Variants in CFAP20DC observed in about 807,000 individuals in gnomAD.
The protein encoded by CFAP20DC is protein CFAP20DC.
CFAP20DC carries 84 observed loss-of-function variants against 101.7 expected under a neutral mutation model. The ratio of observed to expected loss-of-function variants is 0.83; its 90% CI spans 0.69 to 0.99. The LOEUF is 0.99. CFAP20DC is among the 50% of genes least tolerant of loss of function. The pLI, the probability that CFAP20DC is intolerant of heterozygous loss-of-function variation, is 0.00. For missense variants in CFAP20DC, 1,007 were observed against 970.3 expected, an observed-to-expected ratio of 1.04 and a Z score of -0.50; for synonymous variants, 359 against 351.2, an observed-to-expected ratio of 1.02 and a Z score of -0.25.
intron 15 of CFAP20DC, among the ~76,000 whole-genome samples, chr3:58,780,792 T>C (rs1238911114): frequency 6.6e-6 from 1 of 151,880 alleles, no homozygotes; most frequent in East Asian, 1.9e-4. Context: ...AATGCAAATA[T>C]TACTAAATCT....
intron 4 of CFAP20DC, among the ~76,000 whole-genome samples, chr3:58,951,938 T>A (rs1444975945): frequency 6.6e-6 from 1 of 152,176 alleles, no homozygotes; most frequent in Non-Finnish European, 1.5e-5. Context: ...GAATTTGGTG[T>A]TCCAAAGCTC....
chr3:58,844,965 G>A (rs1217146431), intron 13 of CFAP20DC, among the ~76,000 whole-genome samples: 1 of 131,722 alleles, frequency 7.6e-6, no homozygotes, highest in Admixed American at 7.5e-5. Context: ...TGAAACCAAT[G>A]AGAACAAAGA....
intron 4 of CFAP20DC, among the ~76,000 whole-genome samples, chr3:58,976,590 A>G (rs1481623204): frequency 6.6e-6 from 1 of 152,202 alleles, no homozygotes; most frequent in African/African-American, 2.4e-5. Flanking sequence ...AGTCATTGTC[A>G]AAGCATCACA....
chr3:58,848,580 C>G (rs1308120989), intron 13 of CFAP20DC, among the ~76,000 whole-genome samples: 5 of 152,060 alleles, frequency 3.3e-5, no homozygotes, highest in Non-Finnish European at 5.9e-5. Context: ...TTAATGTTAA[C>G]CTTCACTCAT....
At position 58,785,821 on chromosome 3, in the gene CFAP20DC, C is replaced by G. The variant is rs73837961; in HGVS notation, c.2237+20574G>C. On this transcript the variant is annotated intron_variant, in intron 15 of 16. Coordinates refer to ENST00000482387, the MANE Select transcript of CFAP20DC (RefSeq NM_001394063.1). Reference sequence around the variant, plus strand: ...AGGAAAAACTCTCTCTACTTTCCCTCTTATCTGCCTAAAGACAGGATATCA... The same window carrying G: ...AGGAAAAACTCTCTCTACTTTCCCTGTTATCTGCCTAAAGACAGGATATCA... Among the ~76,000 whole-genome samples the G allele has an allele frequency of 4.5e-3, 686 of 152,222 alleles. 5 individuals carry two copies. The highest frequency in any genetic ancestry group is 0.016 in the African/African-American group (649 of 41,548).
Position 58,721,414 on chromosome 3 carries a change from CCTAG to C in CFAP20DC, c.198-3790_198-3787del. On this transcript the variant is annotated intron_variant, in intron 3 of 3. Coordinates refer to the CFAP20DC transcript ENST00000486145. The surrounding 1 kb of genome is among the most constrained non-coding windows in gnomAD (Gnocchi z 5.2). ...TAAAAATTACAACCATGATAGGGTACCTAGTGCTATGAATATTTATTCCAGGAGT... is the reference window on the plus strand; with the variant it reads ...TAAAAATTACAACCATGATAGGGTACTGCTATGAATATTTATTCCAGGAGT... Among the ~76,000 whole-genome samples the C allele has an allele frequency of 7.4e-6, 1 of 134,920 alleles. No individual in the cohort carries two copies. Among genetic ancestry groups the C allele is most frequent in the East Asian group, 4.5e-4 (1 of 2,200 alleles). The allele number at this position is 134,920 out of a possible 152,430, so 88.5% of individuals were successfully genotyped here. A position where few individuals can be genotyped will look rare whatever the true frequency, so the allele number is the denominator to read the frequency against.
intron 13 of CFAP20DC, among the ~76,000 whole-genome samples, chr3:58,835,103 T>A (rs1193551679): frequency 6.6e-6 from 1 of 152,134 alleles, no homozygotes; most frequent in African/African-American, 2.4e-5. Context: ...GTCCCCCTTC[T>A]TCCAGTCTTT....
In CFAP20DC at chr3:58,833,375, A is replaced by T. The variant is rs139748665; in HGVS notation, c.1972-1486T>A. On this transcript the variant is annotated intron_variant, in intron 13 of 16. Transcript: ENST00000482387. Reference sequence around the variant, plus strand: ...AAATACGTATCACAAGAAGAAGAATAAAATGTATATCCCAATGAAAAATGC... The same window carrying T: ...AAATACGTATCACAAGAAGAAGAATTAAATGTATATCCCAATGAAAAATGC... Among the ~76,000 whole-genome samples, 246 of 152,344 alleles carry T rather than the reference A, an allele frequency of 1.6e-3. 3 individuals carry two copies. The highest frequency in any genetic ancestry group is 5.1e-4 in the Non-Finnish European group (35 of 68,032).
intron 16 of CFAP20DC, among the ~76,000 whole-genome samples, chr3:58,751,840 AACACAC>A (rs58961774): frequency 1.4e-5 from 2 of 140,664 alleles, no homozygotes; most frequent in Non-Finnish European, 3.0e-5. Flanking sequence ...CCTCAGCTGT[AACACAC>A]ACACACACAC....
chr3:58,975,048 G>T (rs2092194402), intron 4 of CFAP20DC, among the ~76,000 whole-genome samples: 1 of 152,142 alleles, frequency 6.6e-6, no homozygotes. Flanking sequence ...TATCCAGTAG[G>T]TGGAAGGGAG....
chr3:58,885,529 G>A (rs920202399), intron 6 of CFAP20DC, among the ~76,000 whole-genome samples: 4 of 151,416 alleles, frequency 2.6e-5, no homozygotes, highest in African/African-American at 9.7e-5. Context: ...ACATATTATT[G>A]TTAACTATAG....
rs191316944 is a variant in CFAP20DC, at chr3:58,816,275, C to A, written c.2176-9819G>T. Among the ~76,000 whole-genome samples, 683 of 152,172 alleles carry A rather than the reference C, an allele frequency of 4.5e-3. 5 individuals carry two copies. Among genetic ancestry groups the A allele is most frequent in the African/African-American group, 0.016 (646 of 41,538 alleles). ...TATCGCAAGAACAAAAAACCAAACA[C>A]CGCGGGGAGGAGCCAAGATGGCCGA... On this transcript the variant is annotated intron_variant, in intron 14 of 16. Transcript: ENST00000482387.
At chr3:58,858,214 A>T (rs982870598) in intron 12 of CFAP20DC, among the ~76,000 whole-genome samples, 20 of 152,168 alleles carry the variant, frequency 1.3e-4, no homozygotes, top group African/African-American at 4.6e-4. Context: ...TAAAGTCCCA[A>T]ATCTCTTGAA....
intron 1 of CFAP20DC, among the ~76,000 whole-genome samples, chr3:59,048,618 G>A (rs1180579371): frequency 6.6e-6 from 1 of 152,122 alleles, no homozygotes; most frequent in Non-Finnish European, 1.5e-5. Flanking sequence ...AAGTGTTCTA[G>A]CCCAATTAGT....
At chr3:58,737,145 C>T (rs765052634), downstream of CFAP20DC, 4 of 456,410 alleles carry the variant, frequency 8.8e-6, no homozygotes, top group South Asian at 6.2e-5. This position sits in a 1 kb window ranked among gnomAD's most constrained non-coding sequence, Gnocchi z 4.1. Flanking sequence ...AATGTTCAGG[C>T]TTCAGCATAC....
intron 14 of CFAP20DC, 149 bp downstream of exon 14, chr3:58,831,537 C>A: frequency 1.5e-6 from 1 of 646,592 alleles, no homozygotes; most frequent in Non-Finnish European, 2.7e-6. Context: ...TGTCCTTTCT[C>A]AAACACTATT....
At chr3:58,866,747 T>C (rs1250108546) in intron 10 of CFAP20DC, 59 bp from the exon 11 acceptor site, 4 of 1,157,534 alleles carry the variant, frequency 3.5e-6, no homozygotes, top group East Asian at 2.4e-5. Context: ...AAAAAGTAAT[T>C]TTAGAAGAAT....
intron 3 of CFAP20DC, chr3:58,734,507 G>A (rs1486261829): frequency 2.2e-6 from 1 of 455,418 alleles, no homozygotes; most frequent in Non-Finnish European, 4.4e-6. Flanking sequence ...TGGTCCATTT[G>A]TCAGCATCTT....
At chr3:58,995,853 T>C (rs539914681) in intron 4 of CFAP20DC, among the ~76,000 whole-genome samples, 1 of 152,302 alleles carries the variant, frequency 6.6e-6, no homozygotes, top group East Asian at 1.9e-4. Context: ...GCTCTTCCAG[T>C]TGTCAGGCCT....
Sources: allele counts gnomAD v4.1 joint callset (sites outside exome capture counted in the v4.1 genomes callset), GRCh38; gene constraint gnomAD v4.1.1; non-coding constraint Gnocchi (gnomAD v3.1); transcripts MANE v1.5; gene names NCBI Gene and HGNC (gene_info 2026-07-23, HGNC 2026-07-21).